Variants in ANO2 observed in about 807,000 individuals in gnomAD.
ANO2 encodes anoctamin 2.
A neutral mutation model predicts 124.2 loss-of-function variants in ANO2; 101 were observed. The ratio of observed to expected loss-of-function variants is 0.81; its 90% CI spans 0.69 to 0.96. The LOEUF is 0.96. ANO2 is among the 40% of genes least tolerant of loss of function. The pLI, the probability that ANO2 is intolerant of heterozygous loss-of-function variation, is 0.00. For missense variants in ANO2, 1,293 were observed against 1,274.5 expected (o/e 1.01, Z -0.22); for synonymous variants, 486 against 482.5 (o/e 1.01, Z -0.09).
chr12:5,784,048 A>G (rs944740205), intron 10 of ANO2, among the ~76,000 whole-genome samples: 4 of 152,240 alleles, frequency 2.6e-5, no homozygotes, highest in South Asian at 4.2e-4. Flanking sequence ...CCTGCCTTAC[A>G]TCCCACCCTA....
rs969066155 is a variant in ANO2, at chr12:5,942,415, T to A, written c.22+2781A>T. 4.6e-5 allele frequency among the ~76,000 whole-genome samples: 7 copies of A among 152,270 alleles called. No homozygotes were observed. The South Asian group carries it at 1.4e-3, about 31-fold the overall frequency. On this transcript the variant is annotated intron_variant, in intron 1 of 24. Transcript: ENST00000682330. ...AAATACAGCTCGTTATGTTGGGCAA[T>A]GTCTTACATCAATATCACCATGAAC... is the stretch of plus-strand genomic sequence containing the variant.
At chr12:5,797,878 C>T (rs1450727276) in intron 10 of ANO2, among the ~76,000 whole-genome samples, 2 of 152,168 alleles carry the variant, frequency 1.3e-5, no homozygotes, top group Non-Finnish European at 2.9e-5. Context: ...TCCTCAGGAA[C>T]CGCCAGGCCC....
chr12:5,844,835 TTG>T (rs570165687), intron 4 of ANO2, among the ~76,000 whole-genome samples: 270 of 120,756 alleles, frequency 2.2e-3, no homozygotes, highest in African/African-American at 7.3e-3. Flanking sequence ...GAACCAGTTT[TTG>T]TGTGTTTGTT....
chr12:5,720,281 C>G (rs1290829400), intron 14 of ANO2, among the ~76,000 whole-genome samples: 25 of 152,154 alleles, frequency 1.6e-4, no homozygotes, highest in Non-Finnish European at 3.5e-4. Flanking sequence ...CTCCTTTTGA[C>G]CATCATATCA....
intron 16 of ANO2, among the ~76,000 whole-genome samples, chr12:5,634,925 C>A (rs189254106): frequency 2.6e-4 from 39 of 152,288 alleles, no homozygotes; most frequent in African/African-American, 6.5e-4. Context: ...TCAACACAGG[C>A]CAGAGGACTT....
chr12:5,791,577 G>A (rs1191163839), intron 10 of ANO2, among the ~76,000 whole-genome samples: 1 of 152,180 alleles, frequency 6.6e-6, no homozygotes, highest in Non-Finnish European at 1.5e-5. Context: ...GAACTCTGGG[G>A]CACCTTCAGC....
At chr12:5,594,551 C>T (rs748933637) in intron 20 of ANO2, among the ~76,000 whole-genome samples, 32 of 152,114 alleles carry the variant, frequency 2.1e-4, no homozygotes, top group Non-Finnish European at 3.2e-4. Flanking sequence ...AACAGTTACT[C>T]GTGGCCGGGT....
intron 14 of ANO2, among the ~76,000 whole-genome samples, chr12:5,716,104 T>C (rs1950013295): frequency 1.3e-5 from 2 of 152,228 alleles, no homozygotes; most frequent in African/African-American, 2.4e-5. Context: ...GATGAAATAA[T>C]AGCTGATTTA....
chr12:5,944,569 C>A (rs1414907643), intron 1 of ANO2, among the ~76,000 whole-genome samples: 1 of 152,214 alleles, frequency 6.6e-6, no homozygotes, highest in Non-Finnish European at 1.5e-5. Flanking sequence ...AAAATAACGT[C>A]TTTCTTCTCC....
rs1367118788 is a variant in ANO2 at position 5,807,875 on chromosome 12, T to C, written c.893-507A>G. 3.3e-5 allele frequency among the ~76,000 whole-genome samples: 5 copies of C among 152,192 alleles called. No homozygotes were observed. The East Asian group carries it at 9.6e-4, about 29-fold the overall frequency. Reference sequence around the variant, plus strand: ...AGCAACAGGGCAGTGGTTCTCAAAATGTGGTCTGGGGAGCCCTGGGAGTCC... The same window carrying C: ...AGCAACAGGGCAGTGGTTCTCAAAACGTGGTCTGGGGAGCCCTGGGAGTCC... On this transcript the variant is annotated intron_variant, in intron 7 of 24. Coordinates refer to ENST00000682330, the MANE Select transcript of ANO2 (RefSeq NM_001364791.2).
At chr12:5,930,787 C>T (rs1045535092) in intron 1 of ANO2, among the ~76,000 whole-genome samples, 1 of 152,170 alleles carries the variant, frequency 6.6e-6, no homozygotes, top group Non-Finnish European at 1.5e-5. Flanking sequence ...CCCAGAGGTC[C>T]TGCAGAACAG....
intron 3 of ANO2, among the ~76,000 whole-genome samples, chr12:5,869,330 A>G (rs886820240): frequency 6.6e-6 from 1 of 152,162 alleles, no homozygotes; most frequent in African/African-American, 2.4e-5. Flanking sequence ...GACCATGGGC[A>G]TCATTCCACA....
intron 13 of ANO2, chr12:5,739,061 G>A (rs1403038236): frequency 8.0e-6 from 5 of 627,318 alleles, no homozygotes; most frequent in Admixed American, 2.1e-5. Context: ...CCCCAGAGGA[G>A]GGCACTGGGA....
chr12:5,945,479 A>T (rs1412369937), upstream of ANO2, among the ~76,000 whole-genome samples: 1 of 152,206 alleles, frequency 6.6e-6, no homozygotes, highest in Non-Finnish European at 1.5e-5. Flanking sequence ...TGAGTCCAGG[A>T]CACACTCGGG....
intron 14 of ANO2, among the ~76,000 whole-genome samples, chr12:5,689,283 T>A (rs1948833325): frequency 6.6e-6 from 1 of 152,078 alleles, no homozygotes; most frequent in Non-Finnish European, 1.5e-5. Flanking sequence ...TAATTTTGGT[T>A]AGAGAACAGG....
At position 5,806,797 on chromosome 12, in the gene ANO2, T is replaced by A. The variant is rs545163582; in HGVS notation, c.948+516A>T. On this transcript the variant is annotated intron_variant, in intron 8 of 24. Coordinates refer to ENST00000682330, the MANE Select transcript of ANO2 (RefSeq NM_001364791.2). ...TCTGAGAGATTTTCTTCAAAAAAAA[T>A]TTTTTTTAAAATAATGATCTTTCGT... 3.7e-4 allele frequency among the ~76,000 whole-genome samples: 57 copies of A among 152,270 alleles called. 1 individual carries two copies. Among genetic ancestry groups the A allele is most frequent in the East Asian group, 9.6e-4 (5 of 5,192 alleles).
chr12:5,929,851 T>C (rs78187195), intron 1 of ANO2, among the ~76,000 whole-genome samples: 1 of 141,758 alleles, frequency 7.1e-6, no homozygotes, highest in African/African-American at 2.7e-5. Context: ...GTCTACCTTC[T>C]TTCCTCACTC....
intron 19 of ANO2, among the ~76,000 whole-genome samples, chr12:5,605,994 C>T (rs567415636): frequency 1.6e-4 from 24 of 152,300 alleles, no homozygotes; most frequent in Admixed American, 5.9e-4. Context: ...AGCCAGATCA[C>T]GCAACCAAGT....
In ANO2 at chr12:5,635,380, G is replaced by C. The variant is rs1450162760; in HGVS notation, c.1621-33C>G. The C allele has an allele frequency of 1.4e-6, 2 of 1,476,894 alleles. No individual in the cohort carries two copies. 91.5% of individuals were successfully genotyped at this position (1,476,894 alleles called of 1,614,324 possible). On this transcript the variant is annotated intron_variant, in intron 15 of 24. Transcript: ENST00000682330. The surrounding 1 kb of genome is among the most constrained non-coding windows in gnomAD (Gnocchi z 5.2). ...GGAAAACAGAGAGAAGTACACATCA[G>C]CCGGCAATTACCGAGCACCTACTAT...
Sources: gnomAD v4.1 joint callset for allele counts (sites outside exome capture counted in the v4.1 genomes callset) on GRCh38, gnomAD v4.1.1 for gene constraint, Gnocchi (gnomAD v3.1) non-coding constraint, MANE v1.5 for transcripts, NCBI Gene and HGNC (gene_info 2026-07-23, HGNC 2026-07-21) for gene names.